The following SERPIND1 variants were observed in gnomAD, a reference collection of about 807,000 sequenced individuals.
SERPIND1 encodes heparin cofactor 2.
Under a neutral mutation model 35.0 loss-of-function variants are expected in SERPIND1, and 34 were observed. That is an observed-to-expected ratio of 0.97 (90% CI 0.74 to 1.29). The LOEUF (loss-of-function observed/expected upper bound fraction) is 1.29, where lower values mean the gene tolerates loss of function less well. Ranked by LOEUF, SERPIND1 falls within the 50% of genes most tolerant of loss-of-function variation. SERPIND1 has a pLI of 0.00. For missense variants in SERPIND1, 633 were observed against 637.7 expected, an observed-to-expected ratio of 0.99 and a Z score of 0.08; for synonymous variants, 236 against 241.1, an observed-to-expected ratio of 0.98 and a Z score of 0.19.
rs780132685 is a variant in SERPIND1, at chr22:20,779,704, C to G, written c.392C>G (p.Ala131Gly). ...ATCCAGCGTCTTAACATCCTCAACG[C>G]CAAGTTCGCTTTCAACCTCTACCGA... ...SRIQRLNILN[A>G]KFAFNLYRVL... Residue 131 changes from alanine to glycine, a missense_variant, in exon 2 of 5, where the codon GCC becomes GGC. Transcript: ENST00000215727. 1 of 1,614,220 alleles carries G rather than the reference C, an allele frequency of 6.2e-7. No homozygotes were observed. Among genetic ancestry groups the G allele is most frequent in the South Asian group, 1.1e-5 (1 of 91,088 alleles).
Position 20,787,176 on chromosome 22 carries a change from A to C in SERPIND1, c.*110A>C. On this transcript the variant is annotated 3_prime_UTR_variant, in exon 5 of 5. Coordinates refer to ENST00000215727, the MANE Select transcript of SERPIND1 (RefSeq NM_000185.4). Reference sequence around the variant, plus strand: ...ATCATTTACGTAGTTTACGCTACCAATCTGAATTCGAGGCCCATATGAGAG... The same window carrying C: ...ATCATTTACGTAGTTTACGCTACCACTCTGAATTCGAGGCCCATATGAGAG... 2 of 1,021,880 alleles carry C rather than the reference A, an allele frequency of 2.0e-6. No individual in the cohort carries two copies. Among genetic ancestry groups the C allele is most frequent in the Non-Finnish European group, 1.5e-6 (1 of 663,390 alleles). The allele number at this position is 1,021,880 out of a possible 1,614,324, so 63.3% of individuals were successfully genotyped here.
At chr22:20,786,530 A>AGAGAGAAC (rs1016779010) in intron 4 of SERPIND1, among the ~76,000 whole-genome samples, 6 of 152,168 alleles carry the variant, frequency 3.9e-5, no homozygotes, top group African/African-American at 1.4e-4. Context: ...TCAGCAAAAG[A>AGAGAGAAC]GAGAGAACAC....
In SERPIND1 at chr22:20,787,571, T is replaced by C. The variant is rs893171732; in HGVS notation, c.*505T>C. 3.2e-5 allele frequency: 6 copies of C among 186,080 alleles called. No homozygotes were observed. The highest frequency in any genetic ancestry group is 9.4e-5 in the African/African-American group (4 of 42,622). The allele number at this position is 186,080 out of a possible 1,614,324, so 11.5% of individuals were successfully genotyped here. On this transcript the variant is annotated 3_prime_UTR_variant, in exon 5 of 5. Coordinates refer to ENST00000215727, the MANE Select transcript of SERPIND1 (RefSeq NM_000185.4). ...ACATATGAGGGGTGCCCTGGGCTAA[T>C]GTTAGGGCTTAATTTTCTCAAAGCC...
At chr22:20,786,668 G>A (rs1012143568) in intron 4 of SERPIND1, among the ~76,000 whole-genome samples, 22 of 152,126 alleles carry the variant, frequency 1.4e-4, no homozygotes, top group Non-Finnish European at 2.4e-4. Flanking sequence ...ACTGCCAAGA[G>A]GGAACATGAA....
Position 20,779,543 on chromosome 22 carries a change from C to A in SERPIND1, c.231C>A (p.Asp77Glu), listed in dbSNP as rs5903. Reference protein sequence around the residue: ...NDWIPEGEEDDDYLDLEKIFS... With the variant: ...NDWIPEGEEDEDYLDLEKIFS... The stretch of plus-strand genomic sequence containing the variant: ...GGATTCCAGAGGGGGAGGAGGACGA[C>A]GACTATCTGGACCTGGAGAAGATAT... Residue 77 changes from aspartate (D) to glutamate (E), a missense_variant, in exon 2 of 5, where the codon GAC becomes GAA. Asp to Glu is a conservative substitution (Grantham distance 45). Coordinates refer to ENST00000215727, the MANE Select transcript of SERPIND1 (RefSeq NM_000185.4). 15,244 of 1,613,960 alleles carry A rather than the reference C, an allele frequency of 9.4e-3. 104 individuals are homozygous for A. The highest frequency in any genetic ancestry group is 0.011 in the Non-Finnish European group (13,567 of 1,179,846).
intron 4 of SERPIND1, 33 bp from the exon 5 acceptor site, chr22:20,786,842 C>T (rs1569032939): frequency 1.2e-6 from 2 of 1,610,192 alleles, no homozygotes; most frequent in Non-Finnish European, 1.7e-6. Context: ...GTGTGCTGAC[C>T]TCCAGAATCT....
rs1934012036 is a variant in SERPIND1, at chr22:20,784,087, A to C, written c.1005A>C (p.Ala335=). The C allele has an allele frequency of 1.2e-6, 2 of 1,614,204 alleles. No individual in the cohort carries two copies. Among genetic ancestry groups the C allele is most frequent in the Non-Finnish European group, 1.7e-6 (2 of 1,180,038 alleles). The change falls in exon 3 of 5, where the codon GCA becomes GCC. Residue 335 remains alanine (A), a synonymous_variant. Coordinates refer to ENST00000215727, the MANE Select transcript of SERPIND1 (RefSeq NM_000185.4). The part of the protein sequence containing the change: ...MMQTKGNFLA[A]NDQELDCDIL... ...AGACCAAGGGGAACTTCCTCGCAGC[A>C]AATGACCAGGAGCTGGACTGCGACA...
chr22:20,783,915 G>A (rs1933996360), intron 2 of SERPIND1, 57 bp from the exon 3 acceptor site: 2 of 1,610,028 alleles, frequency 1.2e-6, no homozygotes, highest in African/African-American at 1.3e-5. Context: ...TCTCAAGGGT[G>A]AGACGATTTC....
At chr22:20,779,179 A>G in intron 1 of SERPIND1, 118 bp from the exon 2 acceptor site, 2 of 1,568,690 alleles carry the variant, frequency 1.3e-6, no homozygotes, top group South Asian at 2.3e-5. Context: ...ACAGTTAAGA[A>G]CTAATGCTGT....
Position 20,779,856 on chromosome 22 carries a change from C to T in SERPIND1, c.544C>T (p.His182Tyr). The change falls in exon 2 of 5, where the codon CAT (histidine) becomes TAT (tyrosine). Residue 182 changes from histidine to tyrosine, a missense_variant. His to Tyr is a moderately conservative substitution (Grantham distance 83). Transcript: ENST00000215727. ...CCATGAACAAGTGCACTCGATTTTG[C>T]ATTTTAAAGACTTTGTTAATGCCAG... ...ETHEQVHSIL[H>Y]FKDFVNASSK... 1 of 1,614,212 alleles carries T rather than the reference C, an allele frequency of 6.2e-7. No individual in the cohort carries two copies. Among genetic ancestry groups the T allele is most frequent in the Non-Finnish European group, 8.5e-7 (1 of 1,180,036 alleles).
rs753456741 is a variant in SERPIND1 at position 20,786,930 on chromosome 22, T to C, written c.1364T>C (p.Val455Ala). ...GAGGAAGGCACCCAAGCCACCACTG[T>C]GACCACGGTGGGGTTCATGCCGCTG... is the stretch of plus-strand genomic sequence containing the variant. ...VNEEGTQATT[V>A]TTVGFMPLST... The change falls in exon 5 of 5, where the codon GTG (valine) becomes GCG (alanine). Residue 455 changes from valine to alanine, a missense_variant. Val to Ala is a moderately conservative substitution (Grantham distance 64). Transcript: ENST00000215727. 18 of 1,614,078 alleles carry C rather than the reference T, an allele frequency of 1.1e-5. No individual in the cohort carries two copies. The highest frequency in any genetic ancestry group is 1.4e-5 in the Non-Finnish European group (17 of 1,180,038).
rs1934341423 is a variant in SERPIND1 at position 20,787,443 on chromosome 22, A to G, written c.*377A>G. 2.9e-6 allele frequency: 1 copy of G among 350,082 alleles called. No individual in the cohort carries two copies. The highest frequency in any genetic ancestry group is 5.5e-6 in the Non-Finnish European group (1 of 181,252). 21.7% of individuals were successfully genotyped at this position (350,082 alleles called of 1,614,324 possible). On this transcript the variant is annotated 3_prime_UTR_variant, in exon 5 of 5. Coordinates refer to ENST00000215727, the MANE Select transcript of SERPIND1 (RefSeq NM_000185.4). The stretch of plus-strand genomic sequence containing the variant: ...TTTCTCCACCAGGCCCCTCATCTGA[A>G]TACCAAGCACAGAAATGAGTGGTGT...
chr22:20,785,214 C>T (rs573411816), intron 3 of SERPIND1, among the ~76,000 whole-genome samples: 2 of 152,082 alleles, frequency 1.3e-5, no homozygotes, highest in Non-Finnish European at 1.5e-5. Context: ...AGACTACAGG[C>T]GTGCACCTTC....
At chr22:20,777,948 T>C (rs1444121356) in intron 1 of SERPIND1, among the ~76,000 whole-genome samples, 1 of 152,086 alleles carries the variant, frequency 6.6e-6, no homozygotes, top group East Asian at 1.9e-4. Flanking sequence ...ATAAAGGGAG[T>C]GCCCCTCAGG....
intron 1 of SERPIND1, among the ~76,000 whole-genome samples, chr22:20,778,946 T>C (rs566714469): frequency 7.2e-5 from 11 of 152,296 alleles, no homozygotes; most frequent in Non-Finnish European, 1.3e-4. Flanking sequence ...TTGTCTCTGG[T>C]AACTAAACAC....
chr22:20,777,459 C>T (rs1933396003), intron 1 of SERPIND1, among the ~76,000 whole-genome samples: 1 of 152,158 alleles, frequency 6.6e-6, no homozygotes, highest in Admixed American at 6.6e-5. Flanking sequence ...CTCAGATGAT[C>T]CGCCCACCTC....
chr22:20,785,441 C>A (rs148460560), intron 3 of SERPIND1, among the ~76,000 whole-genome samples: 10 of 152,162 alleles, frequency 6.6e-5, no homozygotes, highest in African/African-American at 1.9e-4. Context: ...GAAGATCAAG[C>A]CTTCCTGCCC....
At chr22:20,783,912 G>T (rs1392956425) in intron 2 of SERPIND1, 60 bp from the exon 3 acceptor site, 2 of 1,608,772 alleles carry the variant, frequency 1.2e-6, no homozygotes, top group African/African-American at 2.7e-5. Context: ...CACTCTCAAG[G>T]GTGAGACGAT....
At chr22:20,775,757 T>G (rs370707576) in intron 1 of SERPIND1, among the ~76,000 whole-genome samples, 1 of 152,208 alleles carries the variant, frequency 6.6e-6, no homozygotes, top group African/African-American at 2.4e-5. Flanking sequence ...CCCAAGATGC[T>G]AAGATTACAG....
Sources: gnomAD v4.1 joint callset for allele counts (sites outside exome capture counted in the v4.1 genomes callset) on GRCh38, gnomAD v4.1.1 for gene constraint, MANE v1.5 for transcripts, NCBI Gene and HGNC (gene_info 2026-07-23, HGNC 2026-07-21) for gene names.